The following SPRY3 variants were observed in gnomAD, a reference collection of about 807,000 sequenced individuals.
The protein encoded by SPRY3 is sprouty RTK signaling antagonist 3.
A neutral mutation model predicts 20.2 loss-of-function variants in SPRY3; 15 were observed. That is an observed-to-expected ratio of 0.74 (90% CI 0.50 to 1.14). The LOEUF is 1.14. SPRY3 is among the 50% of genes most tolerant of loss of function. SPRY3 has a pLI of 0.00. For missense variants in SPRY3, 364 were observed against 363.9 expected (o/e 1.00, Z 0.00); for synonymous variants, 143 against 136.5 (o/e 1.05, Z -0.33).
At chrX:155,665,369 T>C (rs1557354216) in intron 2 of SPRY3, among the ~76,000 whole-genome samples, 2 of 110,989 alleles carry the variant, frequency 1.8e-5, no homozygotes, top group African/African-American at 6.5e-5. Context: ...GTCTTGAAAA[T>C]TGTACATATG....
intron 2 of SPRY3, among the ~76,000 whole-genome samples, chrX:155,716,905 G>A (rs1395566927): frequency 1.3e-5 from 2 of 148,534 alleles, no homozygotes; most frequent in African/African-American, 2.5e-5. Context: ...AGGCTGAGGC[G>A]GGCGGATTGC....
At chrX:155,710,276 G>T (rs1438403627) in intron 2 of SPRY3, among the ~76,000 whole-genome samples, 1 of 151,608 alleles carries the variant, frequency 6.6e-6, no homozygotes, top group Non-Finnish European at 1.5e-5. Context: ...TGACAACATT[G>T]ATTCTTCCAA....
intron 2 of SPRY3, among the ~76,000 whole-genome samples, chrX:155,752,352 C>G (rs2091267770): frequency 6.6e-6 from 1 of 150,744 alleles, no homozygotes; most frequent in Admixed American, 6.6e-5. Flanking sequence ...AGATAAGGCA[C>G]AAAACCTAGA....
intron 1 of SPRY3, among the ~76,000 whole-genome samples, chrX:155,624,284 G>A (rs1379384476): frequency 9.0e-6 from 1 of 111,695 alleles, no homozygotes; most frequent in Admixed American, 9.5e-5. Context: ...TTTACAATGA[G>A]TTTCCTTTTC....
At chrX:155,780,122 G>A (rs2091454730), downstream of SPRY3, 1 of 166,990 alleles carries the variant, frequency 6.0e-6, no homozygotes, top group African/African-American at 2.4e-5. Context: ...GCTCCCATAT[G>A]TATTTGTTGG....
At chrX:155,767,610 G>C in intron 2 of SPRY3, among the ~76,000 whole-genome samples, 1 of 146,868 alleles carries the variant, frequency 6.8e-6, no homozygotes, top group South Asian at 2.3e-4. Flanking sequence ...GGGAGGGCAA[G>C]AGGAGGGGAA....
chrX:155,754,944 T>C (rs1427177712), intron 2 of SPRY3, among the ~76,000 whole-genome samples: 1 of 149,940 alleles, frequency 6.7e-6, no homozygotes, highest in Non-Finnish European at 1.5e-5. Flanking sequence ...TCTTGTATAT[T>C]GCCATGTAGC....
chrX:155,620,070 C>T (rs1227806051), intron 1 of SPRY3, among the ~76,000 whole-genome samples: 6 of 111,775 alleles, frequency 5.4e-5, no homozygotes, highest in Non-Finnish European at 1.1e-4. Context: ...TTTGAGTTCT[C>T]ATACATTGCT....
intron 2 of SPRY3, among the ~76,000 whole-genome samples, chrX:155,717,661 G>C (rs965899395): frequency 6.6e-6 from 1 of 151,944 alleles, no homozygotes; most frequent in African/African-American, 2.4e-5. Flanking sequence ...GTGGTGTTTG[G>C]TTTTCTGTTC....
At chrX:155,773,975 G>T (rs376484947) in exon 4 of SPRY3, 8 of 1,613,856 alleles carry the variant, frequency 5.0e-6, no homozygotes, top group Non-Finnish European at 5.9e-6. Flanking sequence ...CCAGCCCCCT[G>T]TAAACAGGCC....
intron 2 of SPRY3, among the ~76,000 whole-genome samples, chrX:155,722,740 G>T (rs1046080627): frequency 6.6e-6 from 1 of 151,778 alleles, no homozygotes; most frequent in African/African-American, 2.4e-5. Context: ...TGGCTGAATG[G>T]ATAAAAAAAG....
intron 2 of SPRY3, among the ~76,000 whole-genome samples, chrX:155,721,519 A>T (rs2091057756): frequency 1.3e-5 from 2 of 152,128 alleles, no homozygotes; most frequent in East Asian, 3.9e-4. Context: ...CAAACTCCCA[A>T]AGGTCAAGGA....
At chrX:155,774,586 C>A in exon 4 of SPRY3, 1 of 1,614,012 alleles carries the variant, frequency 6.2e-7, no homozygotes, top group Non-Finnish European at 8.5e-7. Flanking sequence ...GTGCTGCTAC[C>A]TGCCTACCCG....
intron 2 of SPRY3, among the ~76,000 whole-genome samples, chrX:155,749,504 C>T (rs370386100): frequency 6.6e-6 from 1 of 151,564 alleles, no homozygotes; most frequent in Non-Finnish European, 1.5e-5. Flanking sequence ...TGAGGTGAAT[C>T]AAGAGCAAGA....
chrX:155,780,644 T>G (rs1469887916), downstream of SPRY3: 1 of 166,934 alleles, frequency 6.0e-6, no homozygotes, highest in East Asian at 1.9e-4. Context: ...GGATGGGGAT[T>G]CACACACCAA....
chrX:155,718,761 A>G (rs1455038921), intron 2 of SPRY3, among the ~76,000 whole-genome samples: 1 of 152,200 alleles, frequency 6.6e-6, no homozygotes, highest in African/African-American at 2.4e-5. Flanking sequence ...TGTAAAGTAT[A>G]AGATCATTTA....
intron 3 of SPRY3, among the ~76,000 whole-genome samples, chrX:155,768,617 C>T (rs1481919152): frequency 6.6e-6 from 1 of 152,124 alleles, no homozygotes; most frequent in African/African-American, 2.4e-5. Flanking sequence ...CATCACCTTG[C>T]CCTGGGTAGA....
In SPRY3 at chrX:155,695,745, T is replaced by C. The variant is rs183894977; in HGVS notation, c.-282+38720T>C. On this transcript the variant is annotated intron_variant, in intron 2 of 3. Coordinates refer to ENST00000675360, the Ensembl canonical transcript of SPRY3. ...TCCTCTGTCACCTCTATTTTTCTCT[T>C]AAGCCCATCTAATGAAGTTTTAATT... Among the ~76,000 whole-genome samples the C allele has an allele frequency of 1.0e-3, 116 of 111,433 alleles. No homozygotes were observed. In the East Asian group the frequency reaches 0.027, roughly 26 times the overall value.
In SPRY3 at chrX:155,618,870, T is replaced by C. The variant is rs184074250; in HGVS notation, c.-441+6223T>C. Among the ~76,000 whole-genome samples the C allele has an allele frequency of 5.4e-4, 60 of 111,844 alleles. 1 individual carries two copies. The East Asian group carries it at 0.015, about 28-fold the overall frequency. On this transcript the variant is annotated intron_variant, in intron 1 of 3. Transcript: ENST00000675360. ...TGGTGAAAGGTTTCTTCATGTCTTT[T>C]GCCCATTTTCTACTTGGATTGTTCA...
Sources: gnomAD v4.1 joint callset for allele counts (sites outside exome capture counted in the v4.1 genomes callset) on GRCh38, gnomAD v4.1.1 for gene constraint, MANE v1.5 for transcripts, NCBI Gene and HGNC (gene_info 2026-07-23, HGNC 2026-07-21) for gene names.